Variants in PRDM16 observed in about 807,000 individuals in gnomAD.
PRDM16 encodes the protein histone-lysine N-methyltransferase PRDM16.
Under a neutral mutation model 110.6 loss-of-function variants are expected in PRDM16, and 23 were observed. The observed-to-expected ratio is 0.21, with a 90% CI of 0.15 to 0.29. PRDM16 has a LOEUF of 0.29. Among genes scored for constraint, PRDM16 ranks in the 10% least tolerant of loss-of-function variants. The pLI is 1.00. For synonymous variants in PRDM16, 799 were observed against 781.8 expected, an observed-to-expected ratio of 1.02 and a Z score of -0.37; for missense variants, 1,615 against 1,794.3, an observed-to-expected ratio of 0.90 and a Z score of 1.81.
chr1:3,313,712 G>A (rs554995727), intron 3 of PRDM16, among the ~76,000 whole-genome samples: 11 of 152,322 alleles, frequency 7.2e-5, no homozygotes, highest in African/African-American at 2.4e-4. Context: ...GCTGACCCCA[G>A]GCAAACCTCG....
rs535932937 is a variant in PRDM16 at position 3,185,014 on chromosome 1, G to A, written c.38-1111G>A. ...GGGAGGTACCGTCCACTACTCATCC[G>A]TTCCCTCATTCCCTCGCAGACGGAC... is the stretch of plus-strand genomic sequence containing the variant. On this transcript the variant is annotated intron_variant, in intron 1 of 16. Transcript: ENST00000270722. 2.6e-4 allele frequency among the ~76,000 whole-genome samples: 40 copies of A among 152,278 alleles called. 1 individual carries two copies. The South Asian group carries it at 3.9e-3, about 15-fold the overall frequency.
intron 3 of PRDM16, among the ~76,000 whole-genome samples, chr1:3,295,629 A>G (rs2500292): frequency 0.52 from 78,532 of 151,948 alleles, 21,703 homozygotes; most frequent in East Asian, 0.69. Flanking sequence ...TCCCACCGGT[A>G]GCAGCAGACT....
intron 3 of PRDM16, among the ~76,000 whole-genome samples, chr1:3,375,018 C>T (rs1383362615): frequency 6.6e-6 from 1 of 152,232 alleles, no homozygotes; most frequent in Non-Finnish European, 1.5e-5. Flanking sequence ...AGGCCAGCTC[C>T]CAGTTCCTCA....
At chr1:3,334,570 C>A (rs1346013564) in intron 3 of PRDM16, among the ~76,000 whole-genome samples, 1 of 152,158 alleles carries the variant, frequency 6.6e-6, no homozygotes, top group East Asian at 1.9e-4. Flanking sequence ...AGGGAACCAG[C>A]CCTTGACACC....
intron 1 of PRDM16, among the ~76,000 whole-genome samples, chr1:3,183,285 C>T (rs998032187): frequency 3.9e-5 from 6 of 152,212 alleles, no homozygotes; most frequent in Admixed American, 2.0e-4. Flanking sequence ...GCATCCTGGC[C>T]GGAGCTCAGG....
In PRDM16 at chr1:3,411,735, G is replaced by T; in HGVS notation, c.1538G>T (p.Gly513Val). Residue 513 changes from glycine to valine, a missense_variant, in exon 9 of 17, where the codon GGC (glycine) becomes GTC (valine). Gly to Val is a moderately radical substitution (Grantham distance 109). This residue lies in a region of PRDM16 where 772 missense variants were observed against 748.3 expected (regional missense o/e 1.03). Coordinates refer to ENST00000270722, the MANE Select transcript of PRDM16 (RefSeq NM_022114.4). ...APPTFPALTP[G>V]FPGIFPPSLY... is the part of the protein sequence containing the mutation. ...CCCACGTTCCCCGCACTCACCCCCG[G>T]CTTCCCGGGCATCTTCCCTCCATCC... 1.2e-6 allele frequency: 2 copies of T among 1,611,416 alleles called. No individual in the cohort carries two copies. The highest frequency in any genetic ancestry group is 8.5e-7 in the Non-Finnish European group (1 of 1,178,904).
intron 3 of PRDM16, among the ~76,000 whole-genome samples, chr1:3,311,033 G>A (rs974838490): frequency 1.3e-5 from 2 of 152,168 alleles, no homozygotes; most frequent in African/African-American, 4.8e-5. Context: ...ATGGTTGGTG[G>A]TGGTGGCAGG....
chr1:3,233,380 G>A (rs879573847), intron 2 of PRDM16, among the ~76,000 whole-genome samples: 14 of 152,232 alleles, frequency 9.2e-5, no homozygotes, highest in Non-Finnish European at 2.1e-4. Flanking sequence ...AGAGTTTGGT[G>A]TTGGTTTAAG....
rs1257309944 is a variant in PRDM16 at position 3,370,879 on chromosome 1, C to T, written c.439-14273C>T. Among the ~76,000 whole-genome samples the T allele has an allele frequency of 6.6e-6, 1 of 151,266 alleles. No homozygotes were observed. On this transcript the variant is annotated intron_variant, in intron 3 of 16. Coordinates refer to ENST00000270722, the MANE Select transcript of PRDM16 (RefSeq NM_022114.4). This position sits in a 1 kb window ranked among gnomAD's most constrained non-coding sequence, Gnocchi z 4.8. The stretch of plus-strand genomic sequence containing the variant: ...ATCCATCCATTAATTATCCATCCAC[C>T]CACCCATCCACCATCCATTCATCCA...
chr1:3,381,399 G>A (rs1271788489), intron 3 of PRDM16, among the ~76,000 whole-genome samples: 1 of 148,014 alleles, frequency 6.8e-6, no homozygotes, highest in African/African-American at 2.5e-5. Context: ...GTTTTTTTCT[G>A]GTTTTTTTTT....
In PRDM16 at chr1:3,389,549, C is replaced by T. The variant is rs569323292; in HGVS notation, c.573+4263C>T. Among the ~76,000 whole-genome samples, 46 of 152,318 alleles carry T rather than the reference C, an allele frequency of 3.0e-4. 2 individuals are homozygous for T. In the South Asian group the frequency reaches 9.1e-3, roughly 30 times the overall value. On this transcript the variant is annotated intron_variant, in intron 4 of 16. Coordinates refer to ENST00000270722, the MANE Select transcript of PRDM16 (RefSeq NM_022114.4). ...GGGCCCATCCCAGCCCTCCTCATGGCTCATGGGAGAGCCGAGCAGAGCCAG... is the reference window on the plus strand; with the variant it reads ...GGGCCCATCCCAGCCCTCCTCATGGTTCATGGGAGAGCCGAGCAGAGCCAG...
chr1:3,369,063 C>T (rs1243612735), intron 3 of PRDM16, among the ~76,000 whole-genome samples: 1 of 152,144 alleles, frequency 6.6e-6, no homozygotes, highest in Non-Finnish European at 1.5e-5. Context: ...GATGTCTGAA[C>T]GTGGCTGGTG....
rs747927757 is a variant in PRDM16, at chr1:3,418,042, G to C, written c.2861+45G>C. ...TGCTGGGACAGCCCTGGCGGGGCTC[G>C]AGTGCCACACCTGTGGCTGTGAACC... On this transcript the variant is annotated intron_variant, in intron 11 of 16. Coordinates refer to ENST00000270722, the MANE Select transcript of PRDM16 (RefSeq NM_022114.4). The C allele has an allele frequency of 4.6e-6, 7 of 1,530,720 alleles. No homozygotes were observed. The South Asian group carries it at 8.3e-5, about 18-fold the overall frequency. The allele number at this position is 1,530,720 out of a possible 1,614,324, so 94.8% of individuals were successfully genotyped here. A position where few individuals can be genotyped will look rare whatever the true frequency, so the allele number is the denominator to read the frequency against.
At chr1:3,275,112 G>A (rs1249391177) in intron 3 of PRDM16, among the ~76,000 whole-genome samples, 1 of 152,240 alleles carries the variant, frequency 6.6e-6, no homozygotes, top group Non-Finnish European at 1.5e-5. Flanking sequence ...GGTGAAATGT[G>A]CCGCCAGGCA....
At chr1:3,344,027 C>T (rs897841037) in intron 3 of PRDM16, among the ~76,000 whole-genome samples, 1 of 152,188 alleles carries the variant, frequency 6.6e-6, no homozygotes, top group African/African-American at 2.4e-5. Context: ...TCTGTCATCT[C>T]CAACTTGCTG....
chr1:3,396,611 A>G lies in PRDM16; in HGVS notation c.676+18A>G, dbSNP rs1221696664. On this transcript the variant is annotated intron_variant, in intron 5 of 16. Transcript: ENST00000270722. ...CCTGGACGGTAAGACCCCTCCCCCA[A>G]ACCGGGCCACGGCCCCTGGGAGCCC... The G allele has an allele frequency of 2.2e-6, 3 of 1,357,774 alleles. No homozygotes were observed. In the South Asian group the frequency reaches 3.9e-5, roughly 18 times the overall value. The allele number at this position is 1,357,774 out of a possible 1,614,324, so 84.1% of individuals were successfully genotyped here.
At chr1:3,083,830 G>A (rs1642086944) in intron 1 of PRDM16, among the ~76,000 whole-genome samples, 1 of 152,202 alleles carries the variant, frequency 6.6e-6, no homozygotes, top group Non-Finnish European at 1.5e-5. Flanking sequence ...ACACCCTTTG[G>A]ACTTGCCCAG....
intron 3 of PRDM16, among the ~76,000 whole-genome samples, chr1:3,275,085 G>A (rs952944798): frequency 1.3e-5 from 2 of 152,254 alleles, no homozygotes. Context: ...GCCTGGCAGA[G>A]CCATTCTGGA....
intron 4 of PRDM16, among the ~76,000 whole-genome samples, chr1:3,393,875 C>A (rs956421681): frequency 6.6e-6 from 1 of 152,150 alleles, no homozygotes; most frequent in Non-Finnish European, 1.5e-5. Flanking sequence ...CGCCTCGGGC[C>A]CTGCGATCAG....
Sources: gnomAD v4.1 joint callset for allele counts (sites outside exome capture counted in the v4.1 genomes callset) on GRCh38, gnomAD v4.1.1 for gene constraint, gnomAD v4.1.1 regional missense constraint, Gnocchi (gnomAD v3.1) non-coding constraint, MANE v1.5 for transcripts, NCBI Gene and HGNC (gene_info 2026-07-23, HGNC 2026-07-21) for gene names.